The following TPO variants were observed in gnomAD, a reference collection of about 807,000 sequenced individuals.
TPO encodes the protein thyroid microsomal antigen.
A neutral mutation model predicts 96.9 loss-of-function variants in TPO; 78 were observed. The ratio of observed to expected loss-of-function variants is 0.81; its 90% CI spans 0.67 to 0.97. TPO has a LOEUF of 0.97. Ranked by LOEUF, TPO falls within the 50% of genes least tolerant of loss-of-function variation. TPO has a pLI of 0.00. For missense variants in TPO, 1,252 were observed against 1,274.8 expected, an observed-to-expected ratio of 0.98 and a Z score of 0.27; for synonymous variants, 547 against 538.0, an observed-to-expected ratio of 1.02 and a Z score of -0.23.
chr2:1,376,164 C>T (rs1661718942), intron 1 of TPO, among the ~76,000 whole-genome samples: 2 of 152,164 alleles, frequency 1.3e-5, no homozygotes, highest in Non-Finnish European at 2.9e-5. Context: ...CATTGTAGAG[C>T]TAATGGGTAT....
At position 1,530,088 on chromosome 2, in the gene TPO, TCCC is replaced by T. The variant is rs1424357870; in HGVS notation, c.2619-10502_2619-10500del. Reference sequence around the variant, plus strand: ...CCACACTCTGTGCAACCTCCTCAAATCCCCCCACTGTTTGCAACCTCCCAAAAT... The same window carrying T: ...CCACACTCTGTGCAACCTCCTCAAATCCCACTGTTTGCAACCTCCCAAAAT... On this transcript the variant is annotated intron_variant, in intron 15 of 16. Transcript: ENST00000329066. Among the ~76,000 whole-genome samples, 5 of 108,440 alleles carry T rather than the reference TCCC, an allele frequency of 4.6e-5. No individual in the cohort carries two copies. The Admixed American group carries it at 5.5e-4, about 12-fold the overall frequency. The allele number at this position is 108,440 out of a possible 152,430, so 71.1% of individuals were successfully genotyped here. A position where few individuals can be genotyped will look rare whatever the true frequency, so the allele number is the denominator to read the frequency against.
At chr2:1,540,872 A>C (rs755224107) in intron 16 of TPO, 149 bp downstream of exon 16, 1 of 1,551,068 alleles carries the variant, frequency 6.4e-7, no homozygotes, top group Admixed American at 2.0e-5. Context: ...GGGAGGTTTT[A>C]TTTACAAGCT....
At chr2:1,375,564 G>A (rs955345550) in intron 1 of TPO, among the ~76,000 whole-genome samples, 4 of 152,104 alleles carry the variant, frequency 2.6e-5, no homozygotes, top group East Asian at 1.9e-4. Flanking sequence ...TCTGATTAGC[G>A]CTAGTGAATC....
chr2:1,374,111 G>A (rs1048515125), upstream of TPO: 3 of 152,270 alleles, frequency 2.0e-5, no homozygotes, highest in African/African-American at 7.2e-5. Flanking sequence ...GTTCACCTCT[G>A]TGGCCACTTC....
chr2:1,476,188 G>T (rs1220564122), intron 7 of TPO, among the ~76,000 whole-genome samples: 1 of 152,202 alleles, frequency 6.6e-6, no homozygotes, highest in African/African-American at 2.4e-5. Flanking sequence ...AGAAGACCGT[G>T]ATCTTCAGGA....
At chr2:1,418,299 A>AAAAG (rs1663142911) in intron 2 of TPO, among the ~76,000 whole-genome samples, 1 of 146,310 alleles carries the variant, frequency 6.8e-6, no homozygotes, top group African/African-American at 2.6e-5. Context: ...AAAAAAAAAA[A>AAAAG]AGAGAGAGAG....
At chr2:1,501,835 G>A (rs1672905534) in intron 13 of TPO, among the ~76,000 whole-genome samples, 1 of 152,102 alleles carries the variant, frequency 6.6e-6, no homozygotes, top group African/African-American at 2.4e-5. Context: ...CCGACACCCT[G>A]ATTTCAGACC....
intron 1 of TPO, among the ~76,000 whole-genome samples, chr2:1,413,913 C>T (rs962610708): frequency 6.6e-6 from 1 of 152,180 alleles, no homozygotes; most frequent in African/African-American, 2.4e-5. Flanking sequence ...GTCTTAACAA[C>T]TAGAATTCTA....
intron 15 of TPO, among the ~76,000 whole-genome samples, chr2:1,538,035 C>CCACTGTGTGCAACCTCCTCAAATCCCCCA (rs1217386805): frequency 1.8e-5 from 2 of 108,110 alleles, no homozygotes; most frequent in Non-Finnish European, 3.4e-5. Context: ...TCAAGTCCCC[C>CCACTGTGTGCAACCTCCTCAAATCCCCCA]CACTGTGTGC....
chr2:1,501,695 A>C (rs111262594), intron 13 of TPO, among the ~76,000 whole-genome samples: 10 of 151,990 alleles, frequency 6.6e-5, no homozygotes, highest in Admixed American at 5.9e-4. Context: ...CACAGACGGG[A>C]CCCTGTGAAG....
At chr2:1,403,878 G>A (rs1662208637) in intron 1 of TPO, among the ~76,000 whole-genome samples, 1 of 152,192 alleles carries the variant, frequency 6.6e-6, no homozygotes, top group Non-Finnish European at 1.5e-5. Context: ...AACGGTGGCT[G>A]CCCCATCAGC....
At chr2:1,430,232 G>C (rs1558274972) in intron 3 of TPO, among the ~76,000 whole-genome samples, 1 of 152,208 alleles carries the variant, frequency 6.6e-6, no homozygotes, top group African/African-American at 2.4e-5. Context: ...CTCTGGCTCT[G>C]GGCTTGGCTC....
At chr2:1,484,168 A>G (rs1448398814) in intron 8 of TPO, among the ~76,000 whole-genome samples, 1 of 152,224 alleles carries the variant, frequency 6.6e-6, no homozygotes, top group Non-Finnish European at 1.5e-5. Context: ...TTCCATCGAC[A>G]GAGCTCTCTG....
intron 15 of TPO, among the ~76,000 whole-genome samples, chr2:1,539,538 T>C (rs186582913): frequency 8.5e-4 from 130 of 152,276 alleles, no homozygotes; most frequent in African/African-American, 2.8e-3. Flanking sequence ...AGGGCTGTCT[T>C]CCATGTACAC....
At chr2:1,503,130 T>C (rs1673040043) in intron 13 of TPO, among the ~76,000 whole-genome samples, 1 of 152,164 alleles carries the variant, frequency 6.6e-6, no homozygotes. Flanking sequence ...CCTCCACCTC[T>C]CCCAGTGCTT....
At position 1,456,088 on chromosome 2, in the gene TPO, A is replaced by G. The variant is rs1333639370; in HGVS notation, c.625A>G (p.Thr209Ala). The change falls in exon 7 of 17, where the codon ACA becomes GCA. Residue 209 changes from threonine (T) to alanine (A), a missense_variant. By Grantham distance (58) the Thr-to-Ala change is moderately conservative. Transcript: ENST00000329066. Reference sequence around the variant, plus strand: ...TCTTCCTACCCAGGTCCGGGAGGTGACAAGACATGTCATTCAAGTTTCAAA... The same window carrying G: ...TCTTCCTACCCAGGTCCGGGAGGTGGCAAGACATGTCATTCAAGTTTCAAA... ...GFPLPPVREVTRHVIQVSNEV... is the reference protein window; with the variant it reads ...GFPLPPVREVARHVIQVSNEV... 3.1e-6 allele frequency: 5 copies of G among 1,613,888 alleles called. No homozygotes were observed. Among genetic ancestry groups the G allele is most frequent in the Non-Finnish European group, 3.4e-6 (4 of 1,180,004 alleles).
intron 10 of TPO, among the ~76,000 whole-genome samples, chr2:1,491,411 G>T (rs752661480): frequency 6.6e-6 from 1 of 152,210 alleles, no homozygotes; most frequent in African/African-American, 2.4e-5. Context: ...TTCTAACTTC[G>T]TTGTTTTTTC....
At chr2:1,409,395 A>AT (rs1403886652), upstream of TPO, among the ~76,000 whole-genome samples, 1 of 152,178 alleles carries the variant, frequency 6.6e-6, no homozygotes, top group Non-Finnish European at 1.5e-5. Context: ...AAGCTGAATA[A>AT]TTTTTCAAAT....
chr2:1,447,933 T>C (rs1022711233), intron 5 of TPO, among the ~76,000 whole-genome samples: 1 of 152,172 alleles, frequency 6.6e-6, no homozygotes, highest in Non-Finnish European at 1.5e-5. Flanking sequence ...CATTTCTCTT[T>C]AAGCCTACTG....
Sources: allele counts gnomAD v4.1 joint callset (sites outside exome capture counted in the v4.1 genomes callset), GRCh38; gene constraint gnomAD v4.1.1; transcripts MANE v1.5; gene names NCBI Gene and HGNC (gene_info 2026-07-23, HGNC 2026-07-21).